The following RBFOX3 variants were observed in gnomAD, a reference collection of about 807,000 sequenced individuals.
The protein encoded by RBFOX3 is RNA binding protein fox-1 homolog 3.
RBFOX3 carries 17 observed loss-of-function variants against 48.7 expected under a neutral mutation model. The ratio of observed to expected loss-of-function variants is 0.35; its 90% CI spans 0.24 to 0.52. RBFOX3 has a LOEUF of 0.52. RBFOX3 is among the 20% of genes least tolerant of loss of function. The pLI is 0.94. For synonymous variants in RBFOX3, 212 were observed against 209.5 expected, an observed-to-expected ratio of 1.01 and a Z score of -0.10; for missense variants, 382 against 497.5, an observed-to-expected ratio of 0.77 and a Z score of 2.21.
chr17:79,452,876 C>T (rs1555742566), intron 2 of RBFOX3, among the ~76,000 whole-genome samples: 1 of 152,224 alleles, frequency 6.6e-6, no homozygotes, highest in Admixed American at 6.5e-5. Flanking sequence ...GGCCTTTGGA[C>T]CAAGAAGCCA....
intron 3 of RBFOX3, among the ~76,000 whole-genome samples, chr17:79,275,514 C>T (rs150274271): frequency 6.6e-6 from 1 of 152,306 alleles, no homozygotes; most frequent in African/African-American, 2.4e-5. Context: ...TCCCCAATAC[C>T]TGGAGGGTGC....
intron 4 of RBFOX3, among the ~76,000 whole-genome samples, chr17:79,152,721 G>A (rs989112930): frequency 5.9e-5 from 9 of 152,198 alleles, no homozygotes; most frequent in South Asian, 2.1e-4. Context: ...ACACAGCTGT[G>A]GGGGGCACCG....
At chr17:79,599,488 G>GT (rs1193570752) in intron 1 of RBFOX3, 1 of 152,260 alleles carries the variant, frequency 6.6e-6, no homozygotes, top group East Asian at 1.9e-4. Flanking sequence ...TATTCGTGCC[G>GT]TGACCGTGAA....
intron 2 of RBFOX3, among the ~76,000 whole-genome samples, chr17:79,379,928 G>A (rs374789301): frequency 1.3e-5 from 2 of 152,076 alleles, no homozygotes; most frequent in Non-Finnish European, 2.9e-5. Context: ...TCCTCCTGCC[G>A]CGGCCTCTCC....
chr17:79,384,794 C>T (rs916882329), intron 2 of RBFOX3, among the ~76,000 whole-genome samples: 2 of 152,252 alleles, frequency 1.3e-5, no homozygotes, highest in African/African-American at 4.8e-5. Flanking sequence ...CCACCCACAC[C>T]GGCCCCTGAA....
chr17:79,389,743 G>A (rs983720122), intron 2 of RBFOX3, among the ~76,000 whole-genome samples: 2 of 152,282 alleles, frequency 1.3e-5, no homozygotes, highest in Non-Finnish European at 2.9e-5. Flanking sequence ...GCTGGGGACC[G>A]TACTTGGGGA....
At chr17:79,438,905 C>T (rs2070189713) in intron 2 of RBFOX3, among the ~76,000 whole-genome samples, 1 of 152,186 alleles carries the variant, frequency 6.6e-6, no homozygotes, top group South Asian at 2.1e-4. Flanking sequence ...GTGAAATCCC[C>T]GAAGCTCAAT....
chr17:79,601,995 T>A (rs1335668060), intron 1 of RBFOX3: 1 of 152,224 alleles, frequency 6.6e-6, no homozygotes, highest in East Asian at 1.9e-4. Flanking sequence ...GAAAGTCTCC[T>A]GTCTGTGGCC....
intron 1 of RBFOX3, among the ~76,000 whole-genome samples, chr17:79,540,306 C>G (rs1555789874): frequency 2.0e-5 from 3 of 152,250 alleles, no homozygotes; most frequent in African/African-American, 7.2e-5. Flanking sequence ...AGAGCAGGGT[C>G]CGGGACTCTC....
At chr17:79,378,967 C>T (rs1452181701) in intron 2 of RBFOX3, among the ~76,000 whole-genome samples, 2 of 152,200 alleles carry the variant, frequency 1.3e-5, no homozygotes, top group African/African-American at 2.4e-5. Flanking sequence ...GCACAAGCTT[C>T]GGAAAGCGGG....
At chr17:79,633,375 G>A in the RBFOX3 span, among the ~76,000 whole-genome samples, 3 of 152,260 alleles carry the variant, frequency 2.0e-5, no homozygotes, top group Admixed American at 6.5e-5. Flanking sequence ...AGGTCATTCC[G>A]GGTGCACCCC....
In RBFOX3 at chr17:79,347,192, G is replaced by T. The variant is rs79173715; in HGVS notation, c.-174-39368C>A. ...TCACTCCATTGTCTTCCTGCATCTG[G>T]CATAGCTGTTGAAAATCCTGAAGTC... On this transcript the variant is annotated intron_variant, in intron 2 of 14. Transcript: ENST00000693108. Among the ~76,000 whole-genome samples the T allele has an allele frequency of 6.3e-4, 96 of 152,236 alleles. 1 individual carries two copies. In the East Asian group the frequency reaches 0.018, roughly 28 times the overall value.
chr17:79,159,145 T>C (rs2046420951), intron 4 of RBFOX3, among the ~76,000 whole-genome samples: 1 of 151,970 alleles, frequency 6.6e-6, no homozygotes, highest in Admixed American at 6.6e-5. Flanking sequence ...TAGTGTGAGT[T>C]GGGGAGCGGA....
chr17:79,444,709 C>T (rs191554537), intron 2 of RBFOX3, among the ~76,000 whole-genome samples: 1 of 152,040 alleles, frequency 6.6e-6, no homozygotes, highest in African/African-American at 2.4e-5. Flanking sequence ...TTGCTCCAAA[C>T]TAAACTGTGG....
intron 1 of RBFOX3, among the ~76,000 whole-genome samples, chr17:79,509,196 G>A (rs1452612520): frequency 6.6e-6 from 1 of 152,218 alleles, no homozygotes; most frequent in East Asian, 1.9e-4. Context: ...GGGCTGCAGA[G>A]CCGGGACACA....
At chr17:79,452,889 G>A (rs1440444851) in intron 2 of RBFOX3, among the ~76,000 whole-genome samples, 1 of 152,196 alleles carries the variant, frequency 6.6e-6, no homozygotes, top group Non-Finnish European at 1.5e-5. Flanking sequence ...AGAAGCCAGT[G>A]GAGAGGAAGC....
At chr17:79,395,647 G>C (rs1054806604) in intron 2 of RBFOX3, among the ~76,000 whole-genome samples, 4 of 152,188 alleles carry the variant, frequency 2.6e-5, no homozygotes, top group Non-Finnish European at 4.4e-5. Flanking sequence ...GCTTCCAGTG[G>C]GTCATCTCCC....
intron 2 of RBFOX3, among the ~76,000 whole-genome samples, chr17:79,355,126 G>A (rs1346902045): frequency 6.6e-6 from 1 of 152,164 alleles, no homozygotes; most frequent in African/African-American, 2.4e-5. Context: ...TTTAAAACAT[G>A]ACCGTGTAAT....
Position 79,443,108 on chromosome 17 carries a change from G to A in RBFOX3, c.-175+39346C>T, listed in dbSNP as rs1262294484. Among the ~76,000 whole-genome samples the A allele has an allele frequency of 6.6e-6, 1 of 152,206 alleles. No individual in the cohort carries two copies. The highest frequency in any genetic ancestry group is 2.4e-5 in the African/African-American group (1 of 41,454). ...CGAGACAGTGGTGGCCTCTGCCCCT[G>A]TGGACAAAACCGGAGCTCAGCCTCC... On this transcript the variant is annotated intron_variant, in intron 2 of 14. Transcript: ENST00000693108. The surrounding 1 kb of genome is among the most constrained non-coding windows in gnomAD (Gnocchi z 4.4).
Sources: gnomAD v4.1 joint callset for allele counts (sites outside exome capture counted in the v4.1 genomes callset) on GRCh38, gnomAD v4.1.1 for gene constraint, Gnocchi (gnomAD v3.1) non-coding constraint, MANE v1.5 for transcripts, NCBI Gene and HGNC (gene_info 2026-07-23, HGNC 2026-07-21) for gene names.